Variants in ABTB3 observed in about 807,000 individuals in gnomAD.
ABTB3 encodes ankyrin repeat and BTB domain containing 3.
the ABTB3 span, among the ~76,000 whole-genome samples, chr12:107,594,685 T>C: frequency 6.6e-6 from 1 of 152,104 alleles, no homozygotes; most frequent in Non-Finnish European, 1.5e-5. Context: ...GGAGTTTGAC[T>C]ATGGCATTCT....
the ABTB3 span, among the ~76,000 whole-genome samples, chr12:107,479,110 T>A: frequency 6.6e-6 from 1 of 152,176 alleles, no homozygotes; most frequent in African/African-American, 2.4e-5. Context: ...ATGACACATC[T>A]GGGCTCCAGA....
At chr12:107,518,636 GA>G in the ABTB3 span, among the ~76,000 whole-genome samples, 1 of 151,532 alleles carries the variant, frequency 6.6e-6, no homozygotes, top group South Asian at 2.1e-4. Flanking sequence ...ATAACATTAG[GA>G]GATATACCTA....
the ABTB3 span, among the ~76,000 whole-genome samples, chr12:107,441,774 C>CA: frequency 0.04 from 3,176 of 80,010 alleles, 100 homozygotes; most frequent in East Asian, 0.078. Context: ...CTTGTCTCTA[C>CA]AAAAAAAAAA....
chr12:107,440,637 G>C, the ABTB3 span, among the ~76,000 whole-genome samples: 1 of 152,248 alleles, frequency 6.6e-6, no homozygotes, highest in African/African-American at 2.4e-5. Context: ...AACCGAGCCT[G>C]TGATGGTCCC....
At chr12:107,457,098 T>C in the ABTB3 span, among the ~76,000 whole-genome samples, 9 of 152,250 alleles carry the variant, frequency 5.9e-5, no homozygotes, top group East Asian at 1.7e-3. Flanking sequence ...CTGACCTCAG[T>C]TGATCCCCCC....
the ABTB3 span, among the ~76,000 whole-genome samples, chr12:107,541,662 G>A: frequency 6.6e-6 from 1 of 152,234 alleles, no homozygotes; most frequent in East Asian, 1.9e-4. Flanking sequence ...CACCCACACT[G>A]TGGGAGGTAA....
At chr12:107,523,656 G>A in the ABTB3 span, among the ~76,000 whole-genome samples, 10 of 152,126 alleles carry the variant, frequency 6.6e-5, no homozygotes, top group Admixed American at 1.3e-4. Context: ...ATGTGTGAAT[G>A]CTATTTTGAG....
At chr12:107,439,594 C>T in the ABTB3 span, among the ~76,000 whole-genome samples, 5 of 152,162 alleles carry the variant, frequency 3.3e-5, no homozygotes, top group East Asian at 5.8e-4. Flanking sequence ...TCTTTTCTCC[C>T]GGCCCAGCAC....
the ABTB3 span, chr12:107,319,367 A>C: frequency 6.4e-7 from 1 of 1,571,108 alleles, no homozygotes; most frequent in South Asian, 1.2e-5. Flanking sequence ...GCTGGTGCGC[A>C]TAGCCAAAGA....
At chr12:107,429,351 C>A in the ABTB3 span, among the ~76,000 whole-genome samples, 1 of 152,212 alleles carries the variant, frequency 6.6e-6, no homozygotes, top group African/African-American at 2.4e-5. Context: ...AGCCACACTG[C>A]CATCAGCCTG....
At chr12:107,477,992 G>T in the ABTB3 span, among the ~76,000 whole-genome samples, 1 of 152,224 alleles carries the variant, frequency 6.6e-6, no homozygotes, top group Non-Finnish European at 1.5e-5. Flanking sequence ...TTTCCTCTAA[G>T]CCCTTTGGGA....
At chr12:107,642,223 T>G in the ABTB3 span, 2 of 1,543,632 alleles carry the variant, frequency 1.3e-6, no homozygotes, top group Admixed American at 3.4e-5. Flanking sequence ...AGGGCACAGG[T>G]GGTTGCCTCA....
At chr12:107,341,267 T>C in the ABTB3 span, among the ~76,000 whole-genome samples, 1 of 152,160 alleles carries the variant, frequency 6.6e-6, no homozygotes, top group Non-Finnish European at 1.5e-5. Flanking sequence ...CAGGGACTTG[T>C]GAAGCACCTA....
chr12:107,426,964 A>AC, the ABTB3 span, among the ~76,000 whole-genome samples: 2 of 149,862 alleles, frequency 1.3e-5, no homozygotes, highest in Non-Finnish European at 3.0e-5. Context: ...ATCCATTTTC[A>AC]CCCCCCACTG....
the ABTB3 span, among the ~76,000 whole-genome samples, chr12:107,397,887 C>T: frequency 1.1e-4 from 16 of 152,232 alleles, no homozygotes; most frequent in Middle Eastern, 3.4e-3. Context: ...TGTCTTGTAA[C>T]GGCACCTCCG....
At chr12:107,529,821 C>T in the ABTB3 span, among the ~76,000 whole-genome samples, 1 of 152,138 alleles carries the variant, frequency 6.6e-6, no homozygotes, top group Non-Finnish European at 1.5e-5. Flanking sequence ...TGCCACACTG[C>T]CTCCCCTTCC....
chr12:107,347,570 A>G, the ABTB3 span, among the ~76,000 whole-genome samples: 1 of 152,090 alleles, frequency 6.6e-6, no homozygotes, highest in Non-Finnish European at 1.5e-5. Flanking sequence ...AGGTCTCTCC[A>G]CAGGGCCTGG....
chr12:107,431,618 GCC>G, the ABTB3 span, among the ~76,000 whole-genome samples: 1 of 146,216 alleles, frequency 6.8e-6, no homozygotes, highest in South Asian at 2.4e-4. Flanking sequence ...CCCACTACCC[GCC>G]CCCGCACCCG....
chr12:107,622,513 G>A, the ABTB3 span, among the ~76,000 whole-genome samples: 37 of 151,922 alleles, frequency 2.4e-4, no homozygotes, highest in Non-Finnish European at 5.1e-4. Context: ...ACAAGGTCTC[G>A]CTCTGTCGCC....
Sources: allele counts gnomAD v4.1 joint callset (sites outside exome capture counted in the v4.1 genomes callset), GRCh38; gene constraint gnomAD v4.1.1; transcripts MANE v1.5; gene names NCBI Gene and HGNC (gene_info 2026-07-23, HGNC 2026-07-21).